CSMD1: variants seen among roughly 807,000 people sequenced by gnomAD.
CSMD1 encodes the protein CUB and Sushi multiple domains 1, also known as CUB and sushi domain-containing protein 1.
Under a neutral mutation model 417.5 loss-of-function variants are expected in CSMD1, and 213 were observed. The ratio of observed to expected loss-of-function variants is 0.51; its 90% CI spans 0.46 to 0.57. The LOEUF is 0.57. CSMD1 is among the 20% of genes least tolerant of loss of function. The pLI is 0.00. For synonymous variants in CSMD1, 2,862 were observed against 1,736.8 expected, an observed-to-expected ratio of 1.65 and a Z score of -16.11; for missense variants, 6,923 against 4,529.7, an observed-to-expected ratio of 1.53 and a Z score of -15.17.
intron 3 of CSMD1, among the ~76,000 whole-genome samples, chr8:4,070,876 G>C (rs1458490850): frequency 6.6e-6 from 1 of 152,072 alleles, no homozygotes; most frequent in Non-Finnish European, 1.5e-5. Flanking sequence ...GTTCCTTTTT[G>C]CTTTGTTTAC....
At chr8:4,870,222 T>A (rs891784448) in intron 1 of CSMD1, among the ~76,000 whole-genome samples, 71 of 152,224 alleles carry the variant, frequency 4.7e-4, no homozygotes, top group African/African-American at 1.6e-3. Context: ...TCCTTCTTCA[T>A]CCCACAACTC....
At chr8:3,981,438 C>T (rs192508173) in intron 5 of CSMD1, among the ~76,000 whole-genome samples, 2 of 147,898 alleles carry the variant, frequency 1.4e-5, no homozygotes, top group Non-Finnish European at 3.0e-5. Flanking sequence ...CACAAATCAC[C>T]GCTAAAGAAC....
intron 3 of CSMD1, among the ~76,000 whole-genome samples, chr8:4,332,579 A>T (rs1181857435): frequency 7.0e-6 from 1 of 142,546 alleles, no homozygotes; most frequent in African/African-American, 3.0e-5. Flanking sequence ...ACACACACAC[A>T]CACACACACA....
At chr8:3,985,827 C>T (rs1034386311) in intron 5 of CSMD1, among the ~76,000 whole-genome samples, 7 of 150,424 alleles carry the variant, frequency 4.7e-5, no homozygotes, top group East Asian at 2.0e-4. Flanking sequence ...CAGCATTCTT[C>T]AATGCTGAGA....
At chr8:4,722,754 A>G (rs1809143497) in intron 1 of CSMD1, among the ~76,000 whole-genome samples, 1 of 152,158 alleles carries the variant, frequency 6.6e-6, no homozygotes, top group African/African-American at 2.4e-5. Flanking sequence ...CGTCAGGAAA[A>G]TTACAGTCAC....
chr8:4,135,193 C>T (rs1803344488), intron 3 of CSMD1, among the ~76,000 whole-genome samples: 1 of 152,100 alleles, frequency 6.6e-6, no homozygotes, highest in African/African-American at 2.4e-5. Flanking sequence ...TTCCATTTAT[C>T]ACTTCAGGAC....
At position 4,364,820 on chromosome 8, in the gene CSMD1, T is replaced by A. The variant is rs58257146; in HGVS notation, c.415+55133A>T. 9.5e-4 allele frequency among the ~76,000 whole-genome samples: 13 copies of A among 13,652 alleles called. 1 individual carries two copies. In the African/African-American group the frequency reaches 0.012, roughly 12 times the overall value. 9.0% of individuals were successfully genotyped at this position (13,652 alleles called of 152,430 possible). A position where few individuals can be genotyped will look rare whatever the true frequency, so the allele number is the denominator to read the frequency against. ...AGCCTGCGCGACAGAGCGAGACTCC[T>A]TCTCAAAAAAAAAAAAAAAAAAAAA... is the stretch of plus-strand genomic sequence containing the variant. On this transcript the variant is annotated intron_variant, in intron 3 of 69. Transcript: ENST00000635120.
intron 12 of CSMD1, among the ~76,000 whole-genome samples, chr8:3,451,775 C>G (rs1403876997): frequency 6.6e-6 from 1 of 152,108 alleles, no homozygotes; most frequent in Non-Finnish European, 1.5e-5. Context: ...GTTCTTTTGG[C>G]TTAGGATTGA....
At chr8:3,588,813 T>C (rs183245268) in intron 8 of CSMD1, among the ~76,000 whole-genome samples, 1 of 152,186 alleles carries the variant, frequency 6.6e-6, no homozygotes, top group Admixed American at 6.5e-5. Flanking sequence ...TGGGAGAAGA[T>C]GCTGGAGAAC....
chr8:3,892,919 C>G (rs1321935199), intron 5 of CSMD1, among the ~76,000 whole-genome samples: 2 of 151,400 alleles, frequency 1.3e-5, no homozygotes, highest in East Asian at 3.9e-4. Flanking sequence ...CAAGAGGCCT[C>G]TCTGTGAAAT....
chr8:4,403,325 C>G (rs955578441), intron 3 of CSMD1, among the ~76,000 whole-genome samples: 1 of 152,186 alleles, frequency 6.6e-6, no homozygotes, highest in Admixed American at 6.5e-5. Context: ...CATTTCCTTA[C>G]ATTTCATTTT....
At chr8:3,943,897 T>G (rs186786436) in intron 5 of CSMD1, among the ~76,000 whole-genome samples, 6 of 152,236 alleles carry the variant, frequency 3.9e-5, no homozygotes, top group Admixed American at 2.6e-4. Flanking sequence ...AAATGCAACC[T>G]GTGATGCTGA....
At chr8:3,232,494 G>A (rs1798900551) in intron 26 of CSMD1, among the ~76,000 whole-genome samples, 1 of 152,088 alleles carries the variant, frequency 6.6e-6, no homozygotes, top group Non-Finnish European at 1.5e-5. Flanking sequence ...TCTTCTTGAT[G>A]GATCTTTGGG....
intron 3 of CSMD1, among the ~76,000 whole-genome samples, chr8:4,068,053 C>T (rs1019431410): frequency 6.6e-6 from 1 of 152,026 alleles, no homozygotes; most frequent in African/African-American, 2.4e-5. Flanking sequence ...TGCACTCCAG[C>T]CTGGCGACAG....
At chr8:3,278,235 C>A (rs1802455916) in intron 26 of CSMD1, 1 of 152,146 alleles carries the variant, frequency 6.6e-6, no homozygotes, top group Non-Finnish European at 1.5e-5. Flanking sequence ...TCCAATGTAA[C>A]ATGGAATTAC....
At chr8:4,223,154 G>A (rs371157416) in intron 3 of CSMD1, among the ~76,000 whole-genome samples, 22 of 145,886 alleles carry the variant, frequency 1.5e-4, no homozygotes, top group Admixed American at 1.1e-3. Flanking sequence ...GGAGGGCAAC[G>A]CCACCCAGAG....
At chr8:3,759,950 G>T (rs1446999903) in intron 5 of CSMD1, among the ~76,000 whole-genome samples, 1 of 150,732 alleles carries the variant, frequency 6.6e-6, no homozygotes, top group Non-Finnish European at 1.5e-5. Flanking sequence ...AATAATGGTA[G>T]TGATCAACCA....
intron 3 of CSMD1, among the ~76,000 whole-genome samples, chr8:4,209,104 G>A (rs868700769): frequency 6.6e-6 from 1 of 152,138 alleles, no homozygotes; most frequent in African/African-American, 2.4e-5. Flanking sequence ...GCTCGCTGAT[G>A]ATTTACAGTG....
At chr8:3,628,452 G>C (rs1437541295) in intron 7 of CSMD1, among the ~76,000 whole-genome samples, 7 of 152,170 alleles carry the variant, frequency 4.6e-5, no homozygotes, top group Non-Finnish European at 1.0e-4. Flanking sequence ...TCATGAATTT[G>C]AATTATTTTA....
Sources: allele counts gnomAD v4.1 joint callset (sites outside exome capture counted in the v4.1 genomes callset), GRCh38; gene constraint gnomAD v4.1.1; transcripts MANE v1.5; gene names NCBI Gene and HGNC (gene_info 2026-07-23, HGNC 2026-07-21).